The following RNF17 variants were observed in gnomAD, a reference collection of about 807,000 sequenced individuals.
The protein encoded by RNF17 is spermatogenesis associated 23.
Under a neutral mutation model 200.5 loss-of-function variants are expected in RNF17, and 31 were observed. The ratio of observed to expected loss-of-function variants is 0.15; its 90% CI spans 0.12 to 0.21. RNF17 has a LOEUF of 0.21. Among genes scored for constraint, RNF17 ranks in the 10% least tolerant of loss-of-function variants. RNF17 has a pLI of 1.00. For synonymous variants in RNF17, 606 were observed against 637.8 expected, an observed-to-expected ratio of 0.95 and a Z score of 0.75; for missense variants, 1,628 against 1,905.1, an observed-to-expected ratio of 0.85 and a Z score of 2.71.
intron 16 of RNF17, among the ~76,000 whole-genome samples, chr13:24,828,888 G>A (rs181047728): frequency 2.6e-5 from 4 of 151,450 alleles, no homozygotes; most frequent in Admixed American, 1.3e-4. Flanking sequence ...GGTTCACTGC[G>A]ACCTCTGCTT....
the RNF17 span, chr13:24,886,437 G>A: frequency 1.6e-5 from 17 of 1,060,172 alleles, no homozygotes; most frequent in Non-Finnish European, 1.9e-5. Flanking sequence ...TGATTTATAG[G>A]TCCCAAACTG....
In RNF17 at chr13:24,795,058, C is replaced by T. The variant is rs11839314; in HGVS notation, c.1241-1079C>T. 2.7e-3 allele frequency among the ~76,000 whole-genome samples: 414 copies of T among 152,192 alleles called. 5 individuals carry two copies. The highest frequency in any genetic ancestry group is 9.6e-3 in the African/African-American group (399 of 41,536). On this transcript the variant is annotated intron_variant, in intron 10 of 35. Transcript: ENST00000255324. ...AATTTATACTTCTCTCAGATGTCACCCCAGTTGTATGTGTTTATCTTTTTA... is the reference window on the plus strand; with the variant it reads ...AATTTATACTTCTCTCAGATGTCACTCCAGTTGTATGTGTTTATCTTTTTA...
chr13:24,862,217 G>T (rs1893169660), intron 27 of RNF17, among the ~76,000 whole-genome samples: 1 of 152,168 alleles, frequency 6.6e-6, no homozygotes, highest in Non-Finnish European at 1.5e-5. Flanking sequence ...CCGTCAAGAT[G>T]TCCACCATAA....
At chr13:24,762,060 T>C (rs1344808646), upstream of RNF17, among the ~76,000 whole-genome samples, 1 of 152,210 alleles carries the variant, frequency 6.6e-6, no homozygotes, top group Non-Finnish European at 1.5e-5. Flanking sequence ...CTTCTAAAGC[T>C]GATCCAGGAA....
At chr13:24,857,041 A>G (rs1277376670) in intron 25 of RNF17, among the ~76,000 whole-genome samples, 1 of 152,184 alleles carries the variant, frequency 6.6e-6, no homozygotes, top group Non-Finnish European at 1.5e-5. Context: ...GGACAGGGAG[A>G]AAATACTGGT....
intron 3 of RNF17, among the ~76,000 whole-genome samples, 198 bp downstream of exon 3, chr13:24,775,102 C>T (rs1365247532): frequency 6.8e-6 from 1 of 146,224 alleles, no homozygotes; most frequent in Admixed American, 6.8e-5. Context: ...TTTGTTTGTC[C>T]TTATTTAAAG....
chr13:24,866,025 GA>G, intron 29 of RNF17, 118 bp from the exon 30 acceptor site: 2 of 651,172 alleles, frequency 3.1e-6, no homozygotes, highest in Non-Finnish European at 5.5e-6. Context: ...TAATTGATCT[GA>G]AATAAATAAA....
chr13:24,883,153 T>C (rs377181966), downstream of RNF17: 62 of 1,597,802 alleles, frequency 3.9e-5, no homozygotes, highest in Non-Finnish European at 5.2e-5. Flanking sequence ...CAGTTACTGT[T>C]ACTTCATGAT....
Position 24,831,873 on chromosome 13 carries a change from T to C in RNF17, c.2377T>C (p.Leu793=), listed in dbSNP as rs1198055677. The C allele has an allele frequency of 1.3e-6, 2 of 1,595,084 alleles. No individual in the cohort carries two copies. The highest frequency in any genetic ancestry group is 1.7e-6 in the Non-Finnish European group (2 of 1,175,604). The change falls in exon 18 of 36, where the codon TTG becomes CTG. Residue 793 remains leucine, a synonymous_variant. Transcript: ENST00000255324. ...NAPEKAIKCK[L]AYIEPYKRTM... ...TCTGACACAGGCAATTAAATGTAAG[T>C]TGGCCTATATTGAACCATATAAAAG... is the stretch of plus-strand genomic sequence containing the variant.
intron 15 of RNF17, among the ~76,000 whole-genome samples, chr13:24,811,932 G>T (rs7335078): frequency 1.3e-5 from 2 of 151,860 alleles, no homozygotes; most frequent in Non-Finnish European, 2.9e-5. Context: ...CTGCTGGGGG[G>T]TGCCTCCCAG....
the RNF17 span, chr13:24,886,044 C>T: frequency 2.7e-6 from 1 of 366,482 alleles, no homozygotes; most frequent in South Asian, 2.2e-5. Flanking sequence ...CATAAATGCC[C>T]TTGTGGCTAT....
chr13:24,879,107 C>A, intron 34 of RNF17, 80 bp from the exon 35 acceptor site: 3 of 1,012,508 alleles, frequency 3.0e-6, no homozygotes, highest in Non-Finnish European at 4.6e-6. Flanking sequence ...TTTTCACACC[C>A]GTGTGAATGG....
At position 24,792,959 on chromosome 13, in the gene RNF17, A is replaced by G. The variant is rs538113314; in HGVS notation, c.936-83A>G. ...GCCCAAAAGATTCAGATTAATGTCC[A>G]TGGTGGGAGTTTCTAGTGACTTATT... On this transcript the variant is annotated intron_variant, in intron 9 of 35. Transcript: ENST00000255324. 638 of 901,836 alleles carry G rather than the reference A, an allele frequency of 7.1e-4. 1 individual carries two copies. Among genetic ancestry groups the G allele is most frequent in the Non-Finnish European group, 8.6e-4 (513 of 593,266 alleles). The allele number at this position is 901,836 out of a possible 1,614,324, so 55.9% of individuals were successfully genotyped here.
chr13:24,806,732 T>C, intron 15 of RNF17, among the ~76,000 whole-genome samples: 1 of 151,578 alleles, frequency 6.6e-6, no homozygotes, highest in Admixed American at 6.6e-5. Flanking sequence ...TGTGCCATGC[T>C]GGTGCGCTGC....
chr13:24,787,890 C>T, intron 6 of RNF17, 98 bp from the exon 7 acceptor site: 1 of 886,178 alleles, frequency 1.1e-6, no homozygotes. Flanking sequence ...ATGTAAAATT[C>T]ATCAACTACT....
chr13:24,809,812 A>G (rs945972699), intron 15 of RNF17, among the ~76,000 whole-genome samples: 6 of 151,710 alleles, frequency 4.0e-5, no homozygotes, highest in African/African-American at 1.5e-4. Flanking sequence ...ACTGCTTTGA[A>G]TGTGTCCCAG....
At chr13:24,837,152 G>A (rs1401422736) in intron 18 of RNF17, among the ~76,000 whole-genome samples, 1 of 152,090 alleles carries the variant, frequency 6.6e-6, no homozygotes, top group African/African-American at 2.4e-5. Context: ...AACGGTAGAC[G>A]GCCTTGTCCA....
At chr13:24,791,878 ACTTTTTTGGTAAT>A (rs1289565790) in intron 9 of RNF17, among the ~76,000 whole-genome samples, 1 of 152,218 alleles carries the variant, frequency 6.6e-6, no homozygotes, top group Non-Finnish European at 1.5e-5. Context: ...GTCAGAAGTT[ACTTTTTTGGTAAT>A]CTTTTTTGAA....
chr13:24,781,954 T>C lies in RNF17; in HGVS notation c.611+10T>C, dbSNP rs1276144638. ...CTTTTTTTGATTCCAGGTTAGTAAC[T>C]TAAAAATATGGACTCAATGAAACTG... On this transcript the variant is annotated intron_variant, in intron 6 of 35. Coordinates refer to ENST00000255324, the MANE Select transcript of RNF17 (RefSeq NM_031277.3). 2.0e-6 allele frequency: 3 copies of C among 1,523,642 alleles called. No individual in the cohort carries two copies. The Admixed American group carries it at 5.1e-5, about 26-fold the overall frequency. The allele number at this position is 1,523,642 out of a possible 1,614,324, so 94.4% of individuals were successfully genotyped here.
Sources: allele counts gnomAD v4.1 joint callset (sites outside exome capture counted in the v4.1 genomes callset), GRCh38; gene constraint gnomAD v4.1.1; transcripts MANE v1.5; gene names NCBI Gene and HGNC (gene_info 2026-07-23, HGNC 2026-07-21).